Variants in TNFRSF13B observed in about 807,000 individuals in gnomAD.
TNFRSF13B encodes the protein TNF receptor superfamily member 13B, also known as tumor necrosis factor receptor superfamily member 13B.
In TNFRSF13B, 34 loss-of-function variants were observed where a neutral mutation model predicts 24.0. That is an observed-to-expected ratio of 1.41 (90% CI 1.08 to 1.88). The LOEUF (loss-of-function observed/expected upper bound fraction) is 1.88. TNFRSF13B is among the 40% of genes most tolerant of loss of function. TNFRSF13B has a pLI of 0.00. For missense variants in TNFRSF13B, 415 were observed against 380.8 expected (o/e 1.09, Z -0.75); for synonymous variants, 173 against 150.3 (o/e 1.15, Z -1.10).
Position 16,948,951 on chromosome 17 carries a change from A to G in TNFRSF13B, c.232T>C (p.Phe78Leu). The change falls in exon 3 of 5, where the codon TTC becomes CTC. Residue 78 changes from phenylalanine (F) to leucine (L), a missense_variant. Transcript: ENST00000261652. The part of the protein sequence containing the change: ...SLSCRKEQGK[F>L]YDHLLRDCIS... ...CAGTCCCTCAGGAGATGGTCATAGA[A>G]CTTGCCTTGCTCCTTGCGGCAGCTG... 6.2e-7 allele frequency: 1 copy of G among 1,614,216 alleles called. No individual in the cohort carries two copies. The highest frequency in any genetic ancestry group is 8.5e-7 in the Non-Finnish European group (1 of 1,180,050).
intron 1 of TNFRSF13B, among the ~76,000 whole-genome samples, chr17:16,967,838 A>G (rs2087715118): frequency 6.6e-6 from 1 of 150,698 alleles, no homozygotes; most frequent in Non-Finnish European, 1.5e-5. Flanking sequence ...AAAAAATTTA[A>G]TAAAAGAAAT....
chr17:16,944,515 C>T (rs929816667), intron 3 of TNFRSF13B, among the ~76,000 whole-genome samples: 5 of 152,160 alleles, frequency 3.3e-5, no homozygotes, highest in Non-Finnish European at 7.3e-5. Context: ...ACTCCACACC[C>T]GCACCCCAGC....
chr17:16,943,808 C>T (rs927536725), intron 3 of TNFRSF13B, among the ~76,000 whole-genome samples: 8 of 152,226 alleles, frequency 5.3e-5, no homozygotes, highest in East Asian at 1.9e-4. Flanking sequence ...CGTCTTCTGC[C>T]GGACAGATGA....
At chr17:16,957,381 T>C (rs1425943433) in intron 1 of TNFRSF13B, among the ~76,000 whole-genome samples, 1 of 152,018 alleles carries the variant, frequency 6.6e-6, no homozygotes, top group African/African-American at 2.4e-5. Context: ...AATGTACTAA[T>C]GTATGCTCAT....
At chr17:16,970,974 G>A (rs2087739489) in intron 1 of TNFRSF13B, among the ~76,000 whole-genome samples, 2 of 152,150 alleles carry the variant, frequency 1.3e-5, no homozygotes, top group African/African-American at 2.4e-5. Context: ...GCTGTGCCCC[G>A]GGTCCATCTG....
At chr17:16,950,023 G>A (rs759873395) in intron 2 of TNFRSF13B, among the ~76,000 whole-genome samples, 6 of 152,038 alleles carry the variant, frequency 3.9e-5, no homozygotes, top group Admixed American at 2.6e-4. Flanking sequence ...AAGTTTTTAC[G>A]TGAAAAAGGC....
intron 3 of TNFRSF13B, among the ~76,000 whole-genome samples, chr17:16,944,129 T>C (rs959648900): frequency 3.5e-4 from 53 of 152,152 alleles, no homozygotes; most frequent in Admixed American, 3.4e-3. Context: ...GGGTCCCTCC[T>C]GCTTCTGTGG....
In TNFRSF13B at chr17:16,952,514, A is replaced by G. The variant is rs1485786201; in HGVS notation, c.131T>C (p.Leu44Pro). 2.5e-6 allele frequency: 4 copies of G among 1,614,118 alleles called. No individual in the cohort carries two copies. In the Admixed American group the frequency reaches 6.7e-5, roughly 27 times the overall value. The change falls in exon 2 of 5, where the codon CTG (leucine) becomes CCG (proline). Residue 44 changes from leucine (L) to proline (P), a missense_variant. Coordinates refer to ENST00000261652, the MANE Select transcript of TNFRSF13B (RefSeq NM_012452.3). ...CPEEQYWDPL[L>P]GTCMSCKTIC... The stretch of plus-strand genomic sequence containing the variant: ...GGTTTTGCAGGACATGCAGGTACCC[A>G]GCAGAGGATCCCAGTACTGCTCTTC...
intron 3 of TNFRSF13B, among the ~76,000 whole-genome samples, chr17:16,947,231 A>G (rs2087556000): frequency 6.6e-6 from 1 of 152,200 alleles, no homozygotes; most frequent in African/African-American, 2.4e-5. Flanking sequence ...TAAATGTAAG[A>G]CCCTAAACTA....
At chr17:16,942,023 C>T (rs566328530) in intron 3 of TNFRSF13B, among the ~76,000 whole-genome samples, 4 of 152,286 alleles carry the variant, frequency 2.6e-5, no homozygotes, top group South Asian at 2.1e-4. Context: ...GGGTTGCTTC[C>T]ACTTTCTGGC....
At chr17:16,950,854 AT>A in intron 2 of TNFRSF13B, among the ~76,000 whole-genome samples, 1 of 150,920 alleles carries the variant, frequency 6.6e-6, no homozygotes, top group African/African-American at 2.4e-5. Context: ...CCAGGTGCCC[AT>A]CTGATTTCCG....
At chr17:16,939,938 T>A in intron 4 of TNFRSF13B, 141 bp from the exon 5 acceptor site, 1 of 1,222,048 alleles carries the variant, frequency 8.2e-7, no homozygotes, top group Non-Finnish European at 1.1e-6. Context: ...CAGGTGTCAG[T>A]GTCCGCCAGT....
rs2087569159 is a variant in TNFRSF13B, at chr17:16,948,934, C to A, written c.249G>T (p.Leu83=). The A allele has an allele frequency of 6.2e-7, 1 of 1,614,094 alleles. No homozygotes were observed. Among genetic ancestry groups the A allele is most frequent in the African/African-American group, 1.3e-5 (1 of 74,924 alleles). The stretch of plus-strand genomic sequence containing the variant: ...TGGAGGCACAGCTGATGCAGTCCCT[C>A]AGGAGATGGTCATAGAACTTGCCTT... ...KEQGKFYDHL[L]RDCISCASIC... is the part of the protein sequence containing the mutation. The change falls in exon 3 of 5, where the codon CTG becomes CTT. Residue 83 remains leucine (L), a synonymous_variant. Coordinates refer to ENST00000261652, the MANE Select transcript of TNFRSF13B (RefSeq NM_012452.3).
intron 3 of TNFRSF13B, among the ~76,000 whole-genome samples, chr17:16,946,364 G>A (rs2087547672): frequency 6.6e-6 from 1 of 152,018 alleles, no homozygotes. Flanking sequence ...GGATCCACAC[G>A]GCATCCCTCT....
rs752255870 is a variant in TNFRSF13B, at chr17:16,939,559, GC to G, written c.869del (p.Gly290AlafsTer34). 8.1e-6 allele frequency: 13 copies of G among 1,612,174 alleles called. No homozygotes were observed. The highest frequency in any genetic ancestry group is 7.7e-5 in the South Asian group (7 of 90,808). On this transcript the variant is annotated frameshift_variant, in exon 5 of 5. Transcript: ENST00000261652. LOFTEE classifies it high-confidence loss of function. ...CCCTGACCCCCATTTATGCACCTGG[GC>G]CCCCCTCCTGGGCAGGCACACACAC... ...GIVCVPAQEG[G>X]PGA
chr17:16,944,247 A>G (rs1567650901), intron 3 of TNFRSF13B, among the ~76,000 whole-genome samples: 2 of 152,298 alleles, frequency 1.3e-5, no homozygotes, highest in South Asian at 2.1e-4. Flanking sequence ...CTCTGCTCCT[A>G]GCAGCACCTG....
intron 1 of TNFRSF13B, among the ~76,000 whole-genome samples, chr17:16,957,937 AAAT>A (rs1240503726): frequency 6.6e-6 from 1 of 152,192 alleles, no homozygotes; most frequent in Admixed American, 6.5e-5. Flanking sequence ...AAAGGTAACT[AAAT>A]AAGTAACTAT....
At position 16,945,871 on chromosome 17, in the gene TNFRSF13B, G is replaced by A. The variant is rs1012647916; in HGVS notation, c.445+2867C>T. 2.6e-5 allele frequency among the ~76,000 whole-genome samples: 4 copies of A among 152,182 alleles called. No homozygotes were observed. In the South Asian group the frequency reaches 8.3e-4, roughly 32 times the overall value. On this transcript the variant is annotated intron_variant, in intron 3 of 4. Coordinates refer to ENST00000261652, the MANE Select transcript of TNFRSF13B (RefSeq NM_012452.3). ...CCCCTCCCCTGAATCCGCTGGCACT[G>A]TGAATGGAAAGAAATGCAGCGGTGG...
chr17:16,940,329 G>C lies in TNFRSF13B; in HGVS notation c.628C>G (p.Gln210Glu). The C allele has an allele frequency of 6.2e-7, 1 of 1,613,232 alleles. No homozygotes were observed. Among genetic ancestry groups the C allele is most frequent in the Non-Finnish European group, 8.5e-7 (1 of 1,179,962 alleles). Residue 210 changes from glutamine to glutamate, a missense_variant, in exon 4 of 5, where the codon CAG (glutamine) becomes GAG (glutamate). Gln to Glu is a conservative substitution (Grantham distance 29). Coordinates refer to ENST00000261652, the MANE Select transcript of TNFRSF13B (RefSeq NM_012452.3). The stretch of plus-strand genomic sequence containing the variant: ...GACCCCAGTTTCATGCACTCACCCT[G>C]GGAAGACTTGGCCGGACTTTGACGG... ...RPRQSPAKSS[Q>E]DHAMEAGSPV...
Sources: allele counts gnomAD v4.1 joint callset (sites outside exome capture counted in the v4.1 genomes callset), GRCh38; gene constraint gnomAD v4.1.1; transcripts MANE v1.5; gene names NCBI Gene and HGNC (gene_info 2026-07-23, HGNC 2026-07-21).